Variants in KCNG2 observed in about 807,000 individuals in gnomAD.
The protein encoded by KCNG2 is voltage-gated potassium channel regulatory subunit KCNG2.
A neutral mutation model predicts 12.3 loss-of-function variants in KCNG2; 7 were observed. That is an observed-to-expected ratio of 0.57 (90% confidence interval 0.32 to 1.07). The LOEUF (loss-of-function observed/expected upper bound fraction) is 1.07, where lower values mean the gene tolerates loss of function less well. Among genes scored for constraint, KCNG2 ranks in the 50% least tolerant of loss-of-function variants. The pLI is 0.04. For missense variants in KCNG2, 703 were observed against 726.0 expected, an observed-to-expected ratio of 0.97 and a Z score of 0.36; for synonymous variants, 414 against 351.4, an observed-to-expected ratio of 1.18 and a Z score of -1.99.
At chr18:79,827,257 C>T (rs1455808183) in intron 1 of KCNG2, among the ~76,000 whole-genome samples, 3 of 152,224 alleles carry the variant, frequency 2.0e-5, no homozygotes, top group African/African-American at 4.8e-5. Context: ...CACCCCGGAG[C>T]CCCCAGGGCA....
At chr18:79,828,079 A>G (rs1978287543) in intron 1 of KCNG2, among the ~76,000 whole-genome samples, 1 of 151,992 alleles carries the variant, frequency 6.6e-6, no homozygotes, top group Non-Finnish European at 1.5e-5. Flanking sequence ...ACGCACCAAC[A>G]CACCCGGCTA....
intron 3 of KCNG2, among the ~76,000 whole-genome samples, chr18:79,883,230 G>A (rs1426184359): frequency 1.3e-5 from 2 of 148,892 alleles, no homozygotes; most frequent in Non-Finnish European, 3.0e-5. Context: ...AAAGCCAGGG[G>A]TTGGGGGCCA....
At chr18:79,801,611 C>T (rs963602815) in intron 1 of KCNG2, among the ~76,000 whole-genome samples, 2 of 152,248 alleles carry the variant, frequency 1.3e-5, no homozygotes, top group African/African-American at 2.4e-5. Context: ...TTATATTAGA[C>T]GTGAGTAGTA....
rs1020389356 is a variant in KCNG2 at position 79,803,988 on chromosome 18, G to A, written c.-115+5974G>A. On this transcript the variant is annotated intron_variant, in intron 1 of 3. Transcript: ENST00000316249. The surrounding 1 kb of genome is among the most constrained non-coding windows in gnomAD (Gnocchi z 4.5). ...TGCAGCAGGCCCGTCCTTTGCTGGTGGCAGATTATTCCTCAACATGGGGAT... is the reference window on the plus strand; with the variant it reads ...TGCAGCAGGCCCGTCCTTTGCTGGTAGCAGATTATTCCTCAACATGGGGAT... 1.3e-5 allele frequency among the ~76,000 whole-genome samples: 2 copies of A among 152,210 alleles called. No individual in the cohort carries two copies. Among genetic ancestry groups the A allele is most frequent in the Non-Finnish European group, 2.9e-5 (2 of 68,034 alleles).
intron 3 of KCNG2, among the ~76,000 whole-genome samples, chr18:79,864,988 T>TGTGCTGAGAGGTCTGG (rs1979408469): frequency 7.6e-6 from 1 of 131,610 alleles, no homozygotes; most frequent in Non-Finnish European, 1.7e-5. Context: ...GAGAGGTCTG[T>TGTGCTGAGAGGTCTGG]GTGCTGAGAG....
chr18:79,890,911 C>G (rs940439258), intron 3 of KCNG2, among the ~76,000 whole-genome samples: 1 of 151,824 alleles, frequency 6.6e-6, no homozygotes, highest in African/African-American at 2.4e-5. Flanking sequence ...AATCACATCT[C>G]TGCTTTCACT....
intron 3 of KCNG2, among the ~76,000 whole-genome samples, chr18:79,893,999 G>C (rs1052988229): frequency 4.7e-5 from 7 of 149,938 alleles, no homozygotes; most frequent in Non-Finnish European, 8.9e-5. Context: ...AGTTGGGTCT[G>C]TGTCTGCTTT....
chr18:79,836,487 AT>A (rs1341123969), intron 1 of KCNG2, among the ~76,000 whole-genome samples: 2 of 152,240 alleles, frequency 1.3e-5, no homozygotes, highest in Non-Finnish European at 2.9e-5. Context: ...AAAGGAGAAT[AT>A]TCCTTTTTCT....
At chr18:79,824,381 AT>A (rs1158949117) in intron 1 of KCNG2, among the ~76,000 whole-genome samples, 1 of 152,106 alleles carries the variant, frequency 6.6e-6, no homozygotes, top group Non-Finnish European at 1.5e-5. Context: ...ACTTTTCTGA[AT>A]TTTTTTATTC....
At position 79,800,119 on chromosome 18, in the gene KCNG2, C is replaced by T. The variant is rs986897203; in HGVS notation, c.-115+2105C>T. Among the ~76,000 whole-genome samples, 5 of 151,882 alleles carry T rather than the reference C, an allele frequency of 3.3e-5. No homozygotes were observed. Among genetic ancestry groups the T allele is most frequent in the Non-Finnish European group, 7.4e-5 (5 of 67,998 alleles). ...ACGGAGGGCTGTTTGTCGTGGGAGG[C>T]GCGTCTCTCTGCAGCCCTGGCAGGC... is the stretch of plus-strand genomic sequence containing the variant. On this transcript the variant is annotated intron_variant, in intron 1 of 3. Transcript: ENST00000316249. This position sits in a 1 kb window ranked among gnomAD's most constrained non-coding sequence, Gnocchi z 4.0.
chr18:79,805,263 A>G (rs1347785676), intron 1 of KCNG2, among the ~76,000 whole-genome samples: 1 of 152,250 alleles, frequency 6.6e-6, no homozygotes, highest in Non-Finnish European at 1.5e-5. Context: ...GCCTCACCGC[A>G]CTGCATTTCA....
At chr18:79,817,084 C>T (rs985191611) in intron 1 of KCNG2, among the ~76,000 whole-genome samples, 1 of 151,966 alleles carries the variant, frequency 6.6e-6, no homozygotes, top group Non-Finnish European at 1.5e-5. Context: ...ACGGCTGCCA[C>T]TCACATGCCT....
Position 79,899,743 on chromosome 18 carries a change from G to A in KCNG2, c.1328G>A (p.Ser443Asn). ...STHSATATED[S>N]SQGPDSAGLA... ...CACTCGGCCACAGCCACCGAGGACA[G>A]CTCGCAGGGCCCCGACAGCGCGGGC... Residue 443 changes from serine (S) to asparagine (N), a missense_variant, in exon 4 of 4, where the codon AGC becomes AAC. Physicochemically the swap from Ser to Asn is conservative, Grantham distance 46 (BLOSUM62 1). Coordinates refer to ENST00000316249, the MANE Select transcript of KCNG2 (RefSeq NM_012283.2). The A allele has an allele frequency of 6.3e-7, 1 of 1,589,324 alleles. No homozygotes were observed. The highest frequency in any genetic ancestry group is 8.5e-7 in the Non-Finnish European group (1 of 1,172,092).
intron 1 of KCNG2, among the ~76,000 whole-genome samples, chr18:79,806,666 T>C (rs2122989850): frequency 6.6e-6 from 1 of 152,322 alleles, no homozygotes; most frequent in East Asian, 1.9e-4. Context: ...GAACATGGAT[T>C]CTCTAACTCT....
chr18:79,805,907 GGGCAGA>G (rs1812235857), intron 1 of KCNG2, among the ~76,000 whole-genome samples: 1 of 152,178 alleles, frequency 6.6e-6, no homozygotes, highest in South Asian at 2.1e-4. Flanking sequence ...CTAGGGGACA[GGGCAGA>G]GCCAAGAAAA....
At chr18:79,885,064 C>T (rs540379571) in intron 3 of KCNG2, among the ~76,000 whole-genome samples, 7 of 152,120 alleles carry the variant, frequency 4.6e-5, no homozygotes, top group Non-Finnish European at 7.4e-5. Flanking sequence ...GACCACAGAC[C>T]CCACCCTGAC....
Position 79,800,781 on chromosome 18 carries a change from C to T in KCNG2, c.-115+2767C>T, listed in dbSNP as rs530939214. 1.3e-5 allele frequency among the ~76,000 whole-genome samples: 2 copies of T among 152,352 alleles called. No individual in the cohort carries two copies. The highest frequency in any genetic ancestry group is 4.1e-4 in the South Asian group (2 of 4,826). On this transcript the variant is annotated intron_variant, in intron 1 of 3. Transcript: ENST00000316249. This position sits in a 1 kb window ranked among gnomAD's most constrained non-coding sequence, Gnocchi z 4.0. ...GGCACCCGCAGGCTCTGCTCACCCA[C>T]CGGCTGGTTTGTAGGGACAGGTCTG...
chr18:79,832,947 T>C (rs1166665778), intron 1 of KCNG2, among the ~76,000 whole-genome samples: 1 of 152,160 alleles, frequency 6.6e-6, no homozygotes, highest in Non-Finnish European at 1.5e-5. Context: ...TGCTGTCTGC[T>C]CCCCTGCTAT....
At chr18:79,813,169 A>T (rs1317143152) in intron 1 of KCNG2, among the ~76,000 whole-genome samples, 1 of 152,192 alleles carries the variant, frequency 6.6e-6, no homozygotes, top group Non-Finnish European at 1.5e-5. Flanking sequence ...TAAATGAATA[A>T]ATAAATTTAA....
Sources: gnomAD v4.1 joint callset for allele counts (sites outside exome capture counted in the v4.1 genomes callset) on GRCh38, gnomAD v4.1.1 for gene constraint, Gnocchi (gnomAD v3.1) non-coding constraint, MANE v1.5 for transcripts, NCBI Gene and HGNC (gene_info 2026-07-23, HGNC 2026-07-21) for gene names.